Variants in RGS3 observed in about 807,000 individuals in gnomAD.
RGS3 encodes the protein regulator of G-protein signalling 3.
Under a neutral mutation model 132.6 loss-of-function variants are expected in RGS3, and 80 were observed. The observed-to-expected ratio is 0.60, with a 90% CI of 0.50 to 0.73. RGS3 has a LOEUF of 0.73. Among genes scored for constraint, RGS3 ranks in the 30% least tolerant of loss-of-function variants. RGS3 has a pLI of 0.00. For missense variants in RGS3, 1,382 were observed against 1,530.8 expected (o/e 0.90, Z 1.62); for synonymous variants, 598 against 620.6 (o/e 0.96, Z 0.54).
At chr9:113,566,310 G>C (rs1834010642) in intron 19 of RGS3, among the ~76,000 whole-genome samples, 1 of 152,212 alleles carries the variant, frequency 6.6e-6, no homozygotes. Context: ...GCCTGCACCT[G>C]CTCCCTTGGC....
At position 113,536,858 on chromosome 9, in the gene RGS3, G is replaced by T. The variant is rs1322018830; in HGVS notation, c.1977G>T (p.Trp659Cys). 1.2e-6 allele frequency: 2 copies of T among 1,614,046 alleles called. No individual in the cohort carries two copies. Among genetic ancestry groups the T allele is most frequent in the Admixed American group, 3.3e-5 (2 of 60,000 alleles). ...AGGAGCAGAAGAAGAGAGTGTGCTG[G>T]TGCCTGTCGGAGAACATCGCCAAGC... is the stretch of plus-strand genomic sequence containing the variant. The change falls in exon 19 of 25, where the codon TGG becomes TGT. Residue 659 changes from tryptophan (W) to cysteine (C), a missense_variant. Coordinates refer to ENST00000350696, the Ensembl canonical transcript of RGS3.
chr9:113,470,991 T>G (rs1430210097), intron 3 of RGS3, among the ~76,000 whole-genome samples: 1 of 151,934 alleles, frequency 6.6e-6, no homozygotes, highest in Non-Finnish European at 1.5e-5. Flanking sequence ...AAACAAACAG[T>G]ATAGGCAGAG....
At chr9:113,592,053 G>C (rs1033306297) in intron 21 of RGS3, 2 of 152,616 alleles carry the variant, frequency 1.3e-5, no homozygotes, top group African/African-American at 4.8e-5. Flanking sequence ...CACCTCCAGA[G>C]GAAGCCCCTC....
chr9:113,483,827 G>A (rs762655472), intron 5 of RGS3, among the ~76,000 whole-genome samples: 9 of 152,130 alleles, frequency 5.9e-5, no homozygotes, highest in African/African-American at 1.9e-4. Flanking sequence ...GAGTCCTTTC[G>A]CTTCTGGGGA....
intron 19 of RGS3, among the ~76,000 whole-genome samples, chr9:113,551,979 A>G (rs2118748043): frequency 6.6e-6 from 1 of 152,370 alleles, no homozygotes; most frequent in South Asian, 2.1e-4. Context: ...TTAAAAAATT[A>G]TAGCCATTCT....
chr9:113,517,178 T>C (rs952315000), intron 15 of RGS3: 5 of 475,614 alleles, frequency 1.1e-5, no homozygotes, highest in African/African-American at 1.0e-4. Context: ...ATGAACAGGA[T>C]AGATGGGGGA....
At chr9:113,554,728 A>G (rs975742556) in intron 19 of RGS3, among the ~76,000 whole-genome samples, 6 of 152,230 alleles carry the variant, frequency 3.9e-5, no homozygotes, top group African/African-American at 1.4e-4. Context: ...TGGTTAGACT[A>G]TTAACCATTT....
At chr9:113,505,421 C>G in intron 10 of RGS3, 21 bp from the exon 9 acceptor site, 1 of 1,612,280 alleles carries the variant, frequency 6.2e-7, no homozygotes, top group Non-Finnish European at 8.5e-7. Flanking sequence ...CTGGCAGTGA[C>G]CGGGCAGGGC....
chr9:113,473,796 A>C (rs937223327), intron 3 of RGS3, among the ~76,000 whole-genome samples: 4 of 152,222 alleles, frequency 2.6e-5, no homozygotes, highest in Non-Finnish European at 5.9e-5. Flanking sequence ...AAAAGCTTAT[A>C]GTAAAGTGCT....
intron 10 of RGS3, among the ~76,000 whole-genome samples, chr9:113,502,177 C>T (rs552528597): frequency 1.3e-5 from 2 of 152,248 alleles, no homozygotes; most frequent in East Asian, 3.9e-4. Flanking sequence ...TCTTAGCCTC[C>T]GGTCTTAGAA....
At chr9:113,533,333 C>T (rs542048740) in intron 18 of RGS3, among the ~76,000 whole-genome samples, 70 of 151,614 alleles carry the variant, frequency 4.6e-4, no homozygotes, top group Admixed American at 1.2e-3. Context: ...TGGGTTCAAG[C>T]GATTCTCCTG....
At chr9:113,504,355 G>A (rs953073472) in intron 10 of RGS3, among the ~76,000 whole-genome samples, 2 of 152,256 alleles carry the variant, frequency 1.3e-5, no homozygotes, top group African/African-American at 2.4e-5. Flanking sequence ...GGGGTCTCTC[G>A]GGACCCCTTG....
chr9:113,595,886 G>T, intron 24 of RGS3, 121 bp downstream of exon 22: 14 of 1,065,044 alleles, frequency 1.3e-5, no homozygotes, highest in Non-Finnish European at 1.8e-5. Context: ...ATGAGCCCAG[G>T]TACCCAGCAG....
intron 1 of RGS3, among the ~76,000 whole-genome samples, chr9:113,447,209 C>T (rs1768082523): frequency 7.0e-6 from 1 of 143,154 alleles, no homozygotes; most frequent in Admixed American, 7.0e-5. Context: ...TTGCAGTGAG[C>T]CAAGATTGCA....
chr9:113,509,276 C>T (rs187829788), intron 14 of RGS3, among the ~76,000 whole-genome samples: 3 of 150,582 alleles, frequency 2.0e-5, no homozygotes, highest in Non-Finnish European at 4.4e-5. Flanking sequence ...CAGAGCGAGA[C>T]TCTGTCTAAA....
At chr9:113,524,109 C>T (rs535242839) in intron 17 of RGS3, among the ~76,000 whole-genome samples, 5 of 152,312 alleles carry the variant, frequency 3.3e-5, no homozygotes, top group South Asian at 4.1e-4. Flanking sequence ...ACTCCAGTTC[C>T]GGCACTGGCA....
At chr9:113,596,263 G>A (rs1835771890) in intron 24 of RGS3, among the ~76,000 whole-genome samples, 1 of 152,218 alleles carries the variant, frequency 6.6e-6, no homozygotes, top group African/African-American at 2.4e-5. Flanking sequence ...GAACCCGGGA[G>A]GCGGAGGTTG....
chr9:113,592,699 G>T (rs1438074486), intron 21 of RGS3: 2 of 152,096 alleles, frequency 1.3e-5, no homozygotes, highest in Admixed American at 1.3e-4. Context: ...TGTTGGCCAG[G>T]CTGTTCTCAA....
chr9:113,500,420 A>AAGC (rs1475985606), intron 10 of RGS3, among the ~76,000 whole-genome samples: 1 of 152,130 alleles, frequency 6.6e-6, no homozygotes, highest in East Asian at 1.9e-4. Context: ...AGATGGGCAA[A>AAGC]AGCAGCTGGG....
Sources: allele counts gnomAD v4.1 joint callset (sites outside exome capture counted in the v4.1 genomes callset), GRCh38; gene constraint gnomAD v4.1.1; transcripts MANE v1.5; gene names NCBI Gene and HGNC (gene_info 2026-07-23, HGNC 2026-07-21).